DACH1: variants seen among roughly 807,000 people sequenced by gnomAD.
DACH1 encodes the protein dachshund family transcription factor 1.
In DACH1, 12 loss-of-function variants were observed where a neutral mutation model predicts 54.2. The ratio of observed to expected loss-of-function variants is 0.22; its 90% CI spans 0.14 to 0.36. The LOEUF (loss-of-function observed/expected upper bound fraction) is 0.36, where lower values mean the gene tolerates loss of function less well. Among genes scored for constraint, DACH1 ranks in the 10% least tolerant of loss-of-function variants. The probability of loss-of-function intolerance (pLI) is 1.00; values close to 1 mark genes in which losing one functional copy is unlikely to be tolerated. For synonymous variants in DACH1, 386 were observed against 366.2 expected, an observed-to-expected ratio of 1.05 and a Z score of -0.62; for missense variants, 805 against 929.8, an observed-to-expected ratio of 0.87 and a Z score of 1.75.
chr13:71,493,811 G>T (rs909554310), intron 6 of DACH1, among the ~76,000 whole-genome samples: 8 of 152,052 alleles, frequency 5.3e-5, no homozygotes, highest in African/African-American at 1.9e-4. Context: ...CAATGTATCA[G>T]TTTGGAGTTA....
At chr13:71,841,988 G>A (rs971922080) in intron 1 of DACH1, among the ~76,000 whole-genome samples, 2 of 152,204 alleles carry the variant, frequency 1.3e-5, no homozygotes, top group South Asian at 4.1e-4. Flanking sequence ...CTCCCTCACT[G>A]ACAAATGAGA....
chr13:71,492,473 G>A (rs12874595), intron 6 of DACH1, among the ~76,000 whole-genome samples: 15,540 of 152,132 alleles, frequency 0.1, 1,059 homozygotes, highest in Middle Eastern at 0.18. Flanking sequence ...AGTTAAGGAA[G>A]GGAGACAACC....
intron 10 of DACH1, among the ~76,000 whole-genome samples, chr13:71,463,006 T>C (rs1593732220): frequency 6.6e-6 from 1 of 151,874 alleles, no homozygotes; most frequent in Non-Finnish European, 1.5e-5. Flanking sequence ...TTTGACAGAA[T>C]AAAAATATCA....
intron 6 of DACH1, among the ~76,000 whole-genome samples, chr13:71,492,264 A>G (rs1300807771): frequency 6.6e-6 from 1 of 152,036 alleles, no homozygotes; most frequent in African/African-American, 2.4e-5. Context: ...ATTTTACTTT[A>G]AAAAAGGGTT....
At chr13:71,749,059 A>G (rs981634274) in intron 1 of DACH1, among the ~76,000 whole-genome samples, 4 of 151,332 alleles carry the variant, frequency 2.6e-5, no homozygotes, top group African/African-American at 9.7e-5. Flanking sequence ...ATCTCAGCTC[A>G]CTGCCACCTC....
chr13:71,538,001 G>C (rs941314811), intron 6 of DACH1, among the ~76,000 whole-genome samples: 3 of 152,004 alleles, frequency 2.0e-5, no homozygotes, highest in Non-Finnish European at 4.4e-5. Context: ...TTATGCATCA[G>C]ATATGCTAGC....
chr13:71,866,859 A>C lies in DACH1; in HGVS notation c.-90T>G. 1.5e-4 allele frequency: 136 copies of C among 890,088 alleles called. No individual in the cohort carries two copies. The highest frequency in any genetic ancestry group is 4.8e-4 in the East Asian group (8 of 16,714). 55.1% of individuals were successfully genotyped at this position (890,088 alleles called of 1,614,324 possible). Reference sequence around the variant, plus strand: ...AGGGGAAGGGGAAAAAAGGGGGGAGAAGGAGCGAGGGGGGCAACAACAACT... The same window carrying C: ...AGGGGAAGGGGAAAAAAGGGGGGAGCAGGAGCGAGGGGGGCAACAACAACT... On this transcript the variant is annotated 5_prime_UTR_variant, in exon 1 of 11. Transcript: ENST00000613252.
In DACH1 at chr13:71,698,238, T is replaced by C. The variant is rs1463881649; in HGVS notation, c.849-16328A>G. ...ATAAAACAAATGAAAAATCCAATAA[T>C]AAATGGCAAATGCATATGAATAGAA... On this transcript the variant is annotated intron_variant, in intron 1 of 10. Coordinates refer to ENST00000613252, the MANE Select transcript of DACH1 (RefSeq NM_080759.6). Among the ~76,000 whole-genome samples the C allele has an allele frequency of 2.0e-5, 3 of 152,060 alleles. 1 individual carries two copies. The highest frequency in any genetic ancestry group is 4.1e-4 in the South Asian group (2 of 4,824).
At chr13:71,760,815 C>T (rs1033848200) in intron 1 of DACH1, among the ~76,000 whole-genome samples, 1 of 152,076 alleles carries the variant, frequency 6.6e-6, no homozygotes, top group Non-Finnish European at 1.5e-5. Flanking sequence ...ACCCCAATCT[C>T]TTCATGGGGA....
At chr13:71,696,832 C>T (rs928673539) in intron 1 of DACH1, among the ~76,000 whole-genome samples, 36 of 152,186 alleles carry the variant, frequency 2.4e-4, no homozygotes, top group African/African-American at 8.4e-4. Context: ...AGGCATGAGC[C>T]ACCGTGCCCG....
chr13:71,488,425 A>T (rs911508040), intron 7 of DACH1, among the ~76,000 whole-genome samples: 1 of 152,186 alleles, frequency 6.6e-6, no homozygotes, highest in African/African-American at 2.4e-5. Flanking sequence ...TACTGTACAT[A>T]AAATATACAT....
At chr13:71,628,011 A>G (rs1342807994) in intron 3 of DACH1, among the ~76,000 whole-genome samples, 2 of 152,120 alleles carry the variant, frequency 1.3e-5, no homozygotes, top group Admixed American at 1.3e-4. Context: ...AGACATTGTA[A>G]TAAATAATGT....
chr13:71,608,460 C>A (rs1593977940), intron 3 of DACH1, among the ~76,000 whole-genome samples: 1 of 151,990 alleles, frequency 6.6e-6, no homozygotes, highest in African/African-American at 2.4e-5. Flanking sequence ...ACTATCATAC[C>A]AATAGTCTGG....
chr13:71,632,478 G>A (rs1206508969), intron 2 of DACH1, among the ~76,000 whole-genome samples: 5 of 144,538 alleles, frequency 3.5e-5, no homozygotes, highest in Non-Finnish European at 6.0e-5. Flanking sequence ...TGCTCCAGCC[G>A]TTCGAATTTA....
At chr13:71,705,140 T>C (rs1485713122) in intron 1 of DACH1, among the ~76,000 whole-genome samples, 2 of 152,170 alleles carry the variant, frequency 1.3e-5, no homozygotes, top group Non-Finnish European at 2.9e-5. Flanking sequence ...CTGTTCAAGA[T>C]ATAAGGTGTA....
chr13:71,754,300 A>G (rs1318527062), intron 1 of DACH1, among the ~76,000 whole-genome samples: 1 of 152,166 alleles, frequency 6.6e-6, no homozygotes, highest in Non-Finnish European at 1.5e-5. Flanking sequence ...TAATATCTCT[A>G]AAAATATGAG....
At chr13:71,451,630 G>A (rs1875068972) in intron 10 of DACH1, among the ~76,000 whole-genome samples, 1 of 152,030 alleles carries the variant, frequency 6.6e-6, no homozygotes, top group Non-Finnish European at 1.5e-5. Context: ...GAAAAGGACT[G>A]TATTTTTCAA....
At chr13:71,686,193 C>G (rs1175694953) in intron 1 of DACH1, among the ~76,000 whole-genome samples, 1 of 152,108 alleles carries the variant, frequency 6.6e-6, no homozygotes, top group Non-Finnish European at 1.5e-5. Context: ...ATTGTTTTTG[C>G]CAGCTTCATG....
At chr13:71,770,248 CTT>C (rs1045059297) in intron 1 of DACH1, among the ~76,000 whole-genome samples, 1 of 151,662 alleles carries the variant, frequency 6.6e-6, no homozygotes, top group Non-Finnish European at 1.5e-5. Context: ...TACTTCTTAT[CTT>C]GTTTTCATTT....
Sources: allele counts gnomAD v4.1 joint callset (sites outside exome capture counted in the v4.1 genomes callset), GRCh38; gene constraint gnomAD v4.1.1; transcripts MANE v1.5; gene names NCBI Gene and HGNC (gene_info 2026-07-23, HGNC 2026-07-21).